Variants in ZNF43 observed in about 807,000 individuals in gnomAD.
The protein encoded by ZNF43 is zinc finger protein 43.
Under a neutral mutation model 68.4 loss-of-function variants are expected in ZNF43, and 44 were observed. The ratio of observed to expected loss-of-function variants is 0.64; its 90% CI spans 0.51 to 0.83. The LOEUF (loss-of-function observed/expected upper bound fraction) is 0.83. Ranked by LOEUF, ZNF43 falls within the 40% of genes least tolerant of loss-of-function variation. ZNF43 has a pLI of 0.00. For missense variants in ZNF43, 896 were observed against 933.2 expected (o/e 0.96, Z 0.52); for synonymous variants, 308 against 307.8 (o/e 1.00, Z -0.01).
intron 3 of ZNF43, among the ~76,000 whole-genome samples, chr19:21,816,025 C>T (rs1486072394): frequency 2.0e-5 from 3 of 150,458 alleles, no homozygotes; most frequent in Non-Finnish European, 3.0e-5. Flanking sequence ...TGTGCCATTG[C>T]ACTCCAGCCT....
At position 21,818,055 on chromosome 19, in the gene ZNF43, C is replaced by T. The variant is rs183071028; in HGVS notation, c.131-69G>A. 5.6e-5 allele frequency: 82 copies of T among 1,463,658 alleles called. No homozygotes were observed. The East Asian group carries it at 1.7e-3, about 31-fold the overall frequency. The allele number at this position is 1,463,658 out of a possible 1,614,324, so 90.7% of individuals were successfully genotyped here. A position where few individuals can be genotyped will look rare whatever the true frequency, so the allele number is the denominator to read the frequency against. On this transcript the variant is annotated intron_variant, in intron 2 of 3. Transcript: ENST00000354959. ...TCCCATTATTAACCTAGTAATGTGT[C>T]CAGTATGAAGGGTGTGATAGAATAT...
At chr19:21,832,769 G>A (rs1046516163) in intron 1 of ZNF43, among the ~76,000 whole-genome samples, 1 of 151,910 alleles carries the variant, frequency 6.6e-6, no homozygotes, top group African/African-American at 2.4e-5. Context: ...GGAGGCTGAG[G>A]GAGAAGAATT....
intron 1 of ZNF43, among the ~76,000 whole-genome samples, chr19:21,823,560 A>C (rs2037955442): frequency 6.6e-6 from 1 of 150,798 alleles, no homozygotes; most frequent in Non-Finnish European, 1.5e-5. Flanking sequence ...CCGGGCAAGA[A>C]AGAATCAGGC....
At chr19:21,836,983 A>G (rs181725300), upstream of ZNF43, among the ~76,000 whole-genome samples, 260 of 152,364 alleles carry the variant, frequency 1.7e-3, no homozygotes, top group Non-Finnish European at 2.4e-3. Flanking sequence ...AAGCAAATTA[A>G]AAAGCATATA....
upstream of ZNF43, among the ~76,000 whole-genome samples, chr19:21,837,563 TACAGGTGCATG>T (rs2145366188): frequency 6.6e-6 from 1 of 152,072 alleles, no homozygotes; most frequent in South Asian, 2.1e-4. Context: ...TAGCTGGGGA[TACAGGTGCATG>T]ACCCCATGCC....
At chr19:21,845,250 T>A (rs926776395) in intron 1 of ZNF43, 1 of 152,206 alleles carries the variant, frequency 6.6e-6, no homozygotes, top group Admixed American at 6.5e-5. Flanking sequence ...ACAATGTTTT[T>A]GGGGGGCATG....
chr19:21,836,155 A>G lies in ZNF43; in HGVS notation c.-117T>C. 1 of 1,575,572 alleles carries G rather than the reference A, an allele frequency of 6.3e-7. No individual in the cohort carries two copies. The highest frequency in any genetic ancestry group is 1.2e-5 in the South Asian group (1 of 86,188). ...GAGGACACAGAAGAACGAAGACGAG[A>G]CGCAGAGCTCCAACTGCAGCCAGAG... On this transcript the variant is annotated 5_prime_UTR_variant, in exon 1 of 4. Transcript: ENST00000354959.
chr19:21,850,081 T>A (rs147754093), intron 1 of ZNF43: 1 of 152,046 alleles, frequency 6.6e-6, no homozygotes, highest in Admixed American at 6.6e-5. Flanking sequence ...CAGAGTCACA[T>A]CACCTGGGTG....
Position 21,805,696 on chromosome 19 carries a change from C to A in ZNF43, c.*1911G>T, listed in dbSNP as rs2036908848. On this transcript the variant is annotated 3_prime_UTR_variant, in exon 4 of 4. Transcript: ENST00000354959. ...AAGGTAATTAAAATCATACTATGTA[C>A]CCACAGAAATTAAGAACAGTAAGTT... 6.6e-6 allele frequency: 1 copy of A among 151,168 alleles called. No homozygotes were observed. The highest frequency in any genetic ancestry group is 1.5e-5 in the Non-Finnish European group (1 of 67,838). 9.4% of individuals were successfully genotyped at this position (151,168 alleles called of 1,614,324 possible). A position where few individuals can be genotyped will look rare whatever the true frequency, so the allele number is the denominator to read the frequency against.
At chr19:21,815,829 T>C (rs1409123981) in intron 3 of ZNF43, among the ~76,000 whole-genome samples, 30 of 151,562 alleles carry the variant, frequency 2.0e-4, no homozygotes, top group Non-Finnish European at 2.9e-5. Context: ...GAGGCTGAGA[T>C]GGGTGGATCA....
intron 1 of ZNF43, among the ~76,000 whole-genome samples, chr19:21,832,926 C>G (rs1327846409): frequency 1.3e-5 from 2 of 151,892 alleles, no homozygotes; most frequent in Non-Finnish European, 2.9e-5. Flanking sequence ...TAGGAGGTAC[C>G]AAGTTTCATC....
At chr19:21,850,417 G>T (rs746185954) in intron 1 of ZNF43, among the ~76,000 whole-genome samples, 1 of 151,942 alleles carries the variant, frequency 6.6e-6, no homozygotes, top group African/African-American at 2.4e-5. Context: ...AAAATTAGCC[G>T]GGCATGGTGG....
In ZNF43 at chr19:21,808,625, G is replaced by A; in HGVS notation, c.1412C>T (p.Thr471Ile). The A allele has an allele frequency of 1.9e-6, 3 of 1,609,356 alleles. No individual in the cohort carries two copies. Among genetic ancestry groups the A allele is most frequent in the Non-Finnish European group, 2.5e-6 (3 of 1,178,816 alleles). The change falls in exon 4 of 4, where the codon ACA becomes ATA. Residue 471 changes from threonine to isoleucine, a missense_variant. Transcript: ENST00000354959. ...TTCTGCAGTATGAATTCTCTTATGT[G>A]TAGTAAGGTTTGAGAACTGGTTAAA... ...KAFNQFSNLT[T>I]HKRIHTAEKP...
At chr19:21,837,528 G>A (rs561827338), upstream of ZNF43, among the ~76,000 whole-genome samples, 4 of 147,822 alleles carry the variant, frequency 2.7e-5, no homozygotes, top group South Asian at 2.1e-4. Context: ...AGGTTCAAGC[G>A]ATTCTCCTGA....
chr19:21,848,851 G>T (rs1342573346), intron 1 of ZNF43, among the ~76,000 whole-genome samples: 1 of 149,326 alleles, frequency 6.7e-6, no homozygotes, highest in Non-Finnish European at 1.5e-5. Flanking sequence ...TCTCTCTTGT[G>T]AGCTGTGTTC....
chr19:21,837,493 C>A (rs867439825), upstream of ZNF43, among the ~76,000 whole-genome samples: 2 of 136,216 alleles, frequency 1.5e-5, no homozygotes, highest in African/African-American at 2.8e-5. Context: ...GGCACAATCT[C>A]GGCTCACTGC....
chr19:21,833,391 C>T (rs10418840), intron 1 of ZNF43, among the ~76,000 whole-genome samples: 31,118 of 151,990 alleles, frequency 0.2, 3,447 homozygotes, highest in South Asian at 0.26. Context: ...CTCTGCCTCC[C>T]GAAGTAGCTG....
chr19:21,833,995 C>G (rs1466261819), intron 1 of ZNF43, among the ~76,000 whole-genome samples: 2 of 151,674 alleles, frequency 1.3e-5, no homozygotes, highest in African/African-American at 4.8e-5. Context: ...CCACTGCAGT[C>G]AAGCCTAGGC....
chr19:21,815,798 C>A (rs1469269857), intron 3 of ZNF43, among the ~76,000 whole-genome samples: 1 of 151,822 alleles, frequency 6.6e-6, no homozygotes, highest in Admixed American at 6.6e-5. Flanking sequence ...GTGGCTCATG[C>A]CTGTAATCCC....
Sources: gnomAD v4.1 joint callset for allele counts (sites outside exome capture counted in the v4.1 genomes callset) on GRCh38, gnomAD v4.1.1 for gene constraint, MANE v1.5 for transcripts, NCBI Gene and HGNC (gene_info 2026-07-23, HGNC 2026-07-21) for gene names.